POR: variants seen among roughly 807,000 people sequenced by gnomAD.
POR encodes the protein NADPH--cytochrome P450 reductase.
A neutral mutation model predicts 84.0 loss-of-function variants in POR; 56 were observed. The observed-to-expected ratio is 0.67, with a 90% CI of 0.54 to 0.83. The LOEUF (loss-of-function observed/expected upper bound fraction) is 0.83, where lower values mean the gene tolerates loss of function less well. Among genes scored for constraint, POR ranks in the 40% least tolerant of loss-of-function variants. The pLI is 0.00. For missense variants in POR, 938 were observed against 944.3 expected, an observed-to-expected ratio of 0.99 and a Z score of 0.09; for synonymous variants, 414 against 400.5, an observed-to-expected ratio of 1.03 and a Z score of -0.40.
intron 1 of POR, among the ~76,000 whole-genome samples, chr7:75,952,403 C>T (rs1422739367): frequency 5.3e-5 from 7 of 132,330 alleles, no homozygotes; most frequent in African/African-American, 1.5e-4. Context: ...GGCAGCTGGC[C>T]GGGCGGGGGG....
intron 2 of POR, among the ~76,000 whole-genome samples, chr7:75,965,748 G>A (rs1554555155): frequency 6.6e-6 from 1 of 152,202 alleles, no homozygotes; most frequent in Admixed American, 6.5e-5. Flanking sequence ...CAGCACAGCA[G>A]GCTTTCTGAG....
intron 2 of POR, among the ~76,000 whole-genome samples, chr7:75,970,156 C>T (rs1420988664): frequency 3.3e-5 from 5 of 152,012 alleles, no homozygotes; most frequent in African/African-American, 1.2e-4. Context: ...CAGAATCGGC[C>T]ACTTTTCTCT....
At chr7:75,925,305 T>G (rs578124980) in intron 1 of POR, among the ~76,000 whole-genome samples, 1 of 152,162 alleles carries the variant, frequency 6.6e-6, no homozygotes, top group South Asian at 2.1e-4. Flanking sequence ...GCCAGGAGTT[T>G]GAGACCAGCC....
intron 1 of POR, among the ~76,000 whole-genome samples, chr7:75,933,319 T>A (rs1807506681): frequency 6.6e-6 from 1 of 150,950 alleles, no homozygotes; most frequent in Non-Finnish European, 1.5e-5. Context: ...TTAGCAGTCT[T>A]CAAGAGTACA....
chr7:75,968,108 TGAG>T, intron 2 of POR: 1 of 455,664 alleles, frequency 2.2e-6, no homozygotes, highest in Non-Finnish European at 4.4e-6. Context: ...CGTCTCCACC[TGAG>T]GAGCCCGCTC....
intron 1 of POR, among the ~76,000 whole-genome samples, chr7:75,941,570 ATT>A (rs1293498651): frequency 5.3e-5 from 8 of 152,180 alleles, no homozygotes; most frequent in Non-Finnish European, 1.0e-4. Context: ...CTAATAACTT[ATT>A]TCTTGTCAGA....
At chr7:75,965,368 G>A (rs1309148889) in intron 2 of POR, among the ~76,000 whole-genome samples, 1 of 152,200 alleles carries the variant, frequency 6.6e-6, no homozygotes, top group Non-Finnish European at 1.5e-5. Context: ...ACAAATGGCA[G>A]TGCTGATCCC....
At chr7:75,966,302 C>T (rs553631202) in intron 2 of POR, among the ~76,000 whole-genome samples, 4 of 152,266 alleles carry the variant, frequency 2.6e-5, no homozygotes, top group African/African-American at 7.2e-5. Context: ...AGTCCCTGTC[C>T]GCAGAGACAG....
rs375997962 is a variant in POR at position 75,979,526 on chromosome 7, G to A, written c.313G>A (p.Ala105Thr). The A allele has an allele frequency of 3.5e-5, 56 of 1,613,488 alleles. 1 individual carries two copies. The highest frequency in any genetic ancestry group is 1.6e-4 in the Middle Eastern group (1 of 6,084). ...GTTTGCCAACCGCCTGTCCAAGGAC[G>A]CCCACCGCTACGGGATGCGAGGCAT... Residue 105 changes from alanine (A) to threonine (T), a missense_variant, in exon 4 of 16, where the codon GCC becomes ACC. Physicochemically the swap from Ala to Thr is moderately conservative, Grantham distance 58. Transcript: ENST00000461988.
chr7:75,979,314 C>A, intron 3 of POR, 137 bp from the exon 4 acceptor site: 1 of 1,053,782 alleles, frequency 9.5e-7, no homozygotes, highest in South Asian at 1.6e-5. Flanking sequence ...CCCAGAGGAA[C>A]TTAGAAGGGA....
At chr7:75,984,335 C>T (rs371312168) in intron 10 of POR, among the ~76,000 whole-genome samples, 134 of 152,290 alleles carry the variant, frequency 8.8e-4, no homozygotes, top group African/African-American at 2.7e-3. Flanking sequence ...CTGAGCCTCC[C>T]GCTGTGAAGC....
intron 1 of POR, among the ~76,000 whole-genome samples, chr7:75,926,146 C>T (rs555440452): frequency 7.3e-5 from 11 of 150,856 alleles, no homozygotes; most frequent in Non-Finnish European, 1.0e-4. Context: ...CAGGCACACA[C>T]CACCATGCTT....
At position 75,960,959 on chromosome 7, in the gene POR, G is replaced by A. The variant is rs144469582; in HGVS notation, c.188+6779G>A. On this transcript the variant is annotated intron_variant, in intron 2 of 15. Transcript: ENST00000461988. The stretch of plus-strand genomic sequence containing the variant: ...AAAGTGTGGCAGTATCAGGCCCAGC[G>A]TGGTGGCTGACACCTGTAATCCCAG... 3.2e-3 allele frequency among the ~76,000 whole-genome samples: 488 copies of A among 152,226 alleles called. 3 individuals carry two copies. The highest frequency in any genetic ancestry group is 0.011 in the African/African-American group (452 of 41,534).
At position 75,984,776 on chromosome 7, in the gene POR, G is replaced by A. The variant is rs1554558747; in HGVS notation, c.1067-1G>A. The A allele has an allele frequency of 1.9e-6, 3 of 1,612,110 alleles. No individual in the cohort carries two copies. In the South Asian group the frequency reaches 3.3e-5, roughly 18 times the overall value. On this transcript the variant is annotated splice_acceptor_variant, in intron 10 of 15. Transcript: ENST00000461988. LOFTEE classifies it high-confidence loss of function. Reference sequence around the variant, plus strand: ...AAGTCCTGCCTGTCTCTTCCCTGCAGAGGAGTCCAACAAGAAGCACCCATT... The same window carrying A: ...AAGTCCTGCCTGTCTCTTCCCTGCAAAGGAGTCCAACAAGAAGCACCCATT...
intron 1 of POR, among the ~76,000 whole-genome samples, chr7:75,948,972 T>C (rs1322558000): frequency 6.6e-6 from 1 of 152,104 alleles, no homozygotes; most frequent in African/African-American, 2.4e-5. Flanking sequence ...GGAGTGAATT[T>C]TGCAAATAAT....
In POR at chr7:75,951,132, C is replaced by T. The variant is rs556345367; in HGVS notation, c.-4-2857C>T. 2.4e-3 allele frequency among the ~76,000 whole-genome samples: 343 copies of T among 141,720 alleles called. 1 individual carries two copies. The highest frequency in any genetic ancestry group is 2.8e-3 in the Admixed American group (36 of 13,016). The allele number at this position is 141,720 out of a possible 152,430, so 93.0% of individuals were successfully genotyped here. A position where few individuals can be genotyped will look rare whatever the true frequency, so the allele number is the denominator to read the frequency against. On this transcript the variant is annotated intron_variant, in intron 1 of 15. Transcript: ENST00000461988. ...AGTTGAGGCCAGGCACAGTGGCTCA[C>T]GCCTGTAATCCCAGCACTTTGGGAA...
At position 75,981,542 on chromosome 7, in the gene POR, C is replaced by G; in HGVS notation, c.667C>G (p.Arg223Gly). ...CTTGGAGGAGGACTTCATCACCTGG[C>G]GAGAGCAGTTCTGGCCGGCCGTGTG... is the stretch of plus-strand genomic sequence containing the variant. The change falls in exon 7 of 16, where the codon CGA becomes GGA. Residue 223 changes from arginine to glycine, a missense_variant. Coordinates refer to ENST00000461988, the MANE Select transcript of POR (RefSeq NM_000941.3). 1 of 1,612,894 alleles carries G rather than the reference C, an allele frequency of 6.2e-7. No homozygotes were observed. The highest frequency in any genetic ancestry group is 8.5e-7 in the Non-Finnish European group (1 of 1,179,680).
intron 2 of POR, among the ~76,000 whole-genome samples, chr7:75,959,299 C>T (rs1554554188): frequency 6.6e-6 from 1 of 152,164 alleles, no homozygotes; most frequent in African/African-American, 2.4e-5. Flanking sequence ...AATCCCACAT[C>T]AGTGTCCCTG....
At chr7:75,974,524 C>CTTTTTTTTTTTTTTTTT (rs1238804117) in intron 3 of POR, among the ~76,000 whole-genome samples, 7 of 107,910 alleles carry the variant, frequency 6.5e-5, no homozygotes, top group East Asian at 2.8e-4. Flanking sequence ...TTTTTCTTTT[C>CTTTTTTTTTTTTTTTTT]TTTTTTTTTT....
Sources: gnomAD v4.1 joint callset for allele counts (sites outside exome capture counted in the v4.1 genomes callset) on GRCh38, gnomAD v4.1.1 for gene constraint, MANE v1.5 for transcripts, NCBI Gene and HGNC (gene_info 2026-07-23, HGNC 2026-07-21) for gene names.